The following WWC2 variants were observed in gnomAD, a reference collection of about 807,000 sequenced individuals.
WWC2 encodes WW and C2 domain containing 2.
WWC2 carries 101 observed loss-of-function variants against 138.5 expected under a neutral mutation model. The observed-to-expected ratio is 0.73, with a 90% CI of 0.62 to 0.86. WWC2 has a LOEUF of 0.86. WWC2 is among the 40% of genes least tolerant of loss of function. WWC2 has a pLI of 0.00. For synonymous variants in WWC2, 558 were observed against 538.4 expected (o/e 1.04, Z -0.50); for missense variants, 1,420 against 1,419.4 (o/e 1.00, Z -0.01).
At chr4:183,165,327 T>C (rs1025471942) in intron 1 of WWC2, among the ~76,000 whole-genome samples, 1 of 152,174 alleles carries the variant, frequency 6.6e-6, no homozygotes, top group Non-Finnish European at 1.5e-5. Context: ...TCTTTCCTCC[T>C]AAATTCCACC....
At chr4:183,286,332 T>C (rs1442456432) in intron 20 of WWC2, among the ~76,000 whole-genome samples, 1 of 152,168 alleles carries the variant, frequency 6.6e-6, no homozygotes, top group African/African-American at 2.4e-5. Flanking sequence ...CTTCTGAGCC[T>C]GCAGGGGTAT....
chr4:183,183,001 C>T (rs533040452), intron 1 of WWC2, among the ~76,000 whole-genome samples: 29 of 152,260 alleles, frequency 1.9e-4, no homozygotes, highest in African/African-American at 7.0e-4. Context: ...ATGAGGTAGG[C>T]ATTAGGCATT....
chr4:183,121,786 T>A (rs910224296), intron 1 of WWC2, among the ~76,000 whole-genome samples: 1 of 129,778 alleles, frequency 7.7e-6, no homozygotes, highest in Non-Finnish European at 1.6e-5. Context: ...GTTAAGAAGC[T>A]TTTTTTTTTT....
chr4:183,121,377 T>G (rs1732595232), intron 1 of WWC2, among the ~76,000 whole-genome samples: 1 of 152,136 alleles, frequency 6.6e-6, no homozygotes, highest in Non-Finnish European at 1.5e-5. Context: ...ATATTTGCAT[T>G]ATATACTTCC....
chr4:183,127,555 A>G (rs1732797533), intron 1 of WWC2, among the ~76,000 whole-genome samples: 2 of 152,216 alleles, frequency 1.3e-5, no homozygotes, highest in Admixed American at 6.5e-5. Context: ...GAGCAAGTCT[A>G]GAGACCTAAT....
Position 183,265,954 on chromosome 4 carries a change from A to G in WWC2, c.2207+3A>G, listed in dbSNP as rs144048582. The G allele has an allele frequency of 4.0e-4, 650 of 1,608,520 alleles. No homozygotes were observed. The highest frequency in any genetic ancestry group is 5.1e-4 in the Non-Finnish European group (601 of 1,177,026). ...TTGATACCTCATACTTCAAAAGTGTAAGTAAAATCAGCGAAGATCAAATTG... is the reference window on the plus strand; with the variant it reads ...TTGATACCTCATACTTCAAAAGTGTGAGTAAAATCAGCGAAGATCAAATTG... On this transcript the variant is annotated splice_donor_region_variant and intron_variant, in intron 14 of 22. Transcript: ENST00000403733.
chr4:183,270,221 A>G (rs1737655056), intron 15 of WWC2, among the ~76,000 whole-genome samples: 1 of 152,356 alleles, frequency 6.6e-6, no homozygotes, highest in East Asian at 1.9e-4. Flanking sequence ...AGGCTCCCAC[A>G]AAGTTCATAA....
At chr4:183,277,881 T>G (rs1410799201) in intron 16 of WWC2, among the ~76,000 whole-genome samples, 4 of 151,176 alleles carry the variant, frequency 2.6e-5, no homozygotes, top group Non-Finnish European at 5.9e-5. Context: ...ATATTAGCCC[T>G]TTGTCAGATG....
intron 1 of WWC2, among the ~76,000 whole-genome samples, chr4:183,138,702 C>T (rs543331957): frequency 1.3e-5 from 2 of 152,276 alleles, no homozygotes; most frequent in Admixed American, 6.5e-5. Context: ...GCCCCATTTC[C>T]TTTTCTGGCT....
Position 183,269,167 on chromosome 4 carries a change from G to C in WWC2, c.2400+4G>C, listed in dbSNP as rs530732332. 22 of 1,601,870 alleles carry C rather than the reference G, an allele frequency of 1.4e-5. 1 individual carries two copies. In the South Asian group the frequency reaches 2.1e-4, roughly 16 times the overall value. On this transcript the variant is annotated splice_donor_region_variant and intron_variant, in intron 15 of 22. Coordinates refer to ENST00000403733, the MANE Select transcript of WWC2 (RefSeq NM_024949.6). ...ACACCGAAGGGAAGAATGCCTGGTA[G>C]GATTCTTCATAATTCCCATTACCAA...
At chr4:183,248,438 T>C (rs897209852) in intron 6 of WWC2, among the ~76,000 whole-genome samples, 1 of 152,180 alleles carries the variant, frequency 6.6e-6, no homozygotes, top group Non-Finnish European at 1.5e-5. Context: ...AAATAAGACA[T>C]GCATGTATTT....
At chr4:183,166,934 G>GTTC (rs939558440) in intron 1 of WWC2, among the ~76,000 whole-genome samples, 5 of 152,308 alleles carry the variant, frequency 3.3e-5, no homozygotes, top group African/African-American at 9.6e-5. Context: ...GAAGCACAGA[G>GTTC]TTCTGTAGGT....
At chr4:183,284,954 G>C (rs1428127646) in intron 19 of WWC2, among the ~76,000 whole-genome samples, 1 of 151,882 alleles carries the variant, frequency 6.6e-6, no homozygotes, top group African/African-American at 2.4e-5. Context: ...TTATAAACTG[G>C]GTTAGAAATA....
At chr4:183,111,113 G>A (rs13118536) in intron 1 of WWC2, among the ~76,000 whole-genome samples, 40,254 of 151,934 alleles carry the variant, frequency 0.26, 6,374 homozygotes, top group Middle Eastern at 0.38. Flanking sequence ...CGTGGCAGGC[G>A]CTGGTAGTCC....
At chr4:183,204,494 A>G (rs1735388519) in intron 2 of WWC2, among the ~76,000 whole-genome samples, 1 of 152,196 alleles carries the variant, frequency 6.6e-6, no homozygotes, top group Admixed American at 6.5e-5. Flanking sequence ...GCTCTTTTCA[A>G]CAGCTGGTAG....
At chr4:183,273,231 C>CTT (rs35297102) in intron 16 of WWC2, among the ~76,000 whole-genome samples, 30 of 150,642 alleles carry the variant, frequency 2.0e-4, no homozygotes, top group South Asian at 4.2e-4. Context: ...ATTAGTATAT[C>CTT]TTTTTTTTGA....
At chr4:183,099,719 G>C in intron 1 of WWC2, 97 bp downstream of exon 1, 1 of 1,114,574 alleles carries the variant, frequency 9.0e-7, no homozygotes, top group Non-Finnish European at 1.1e-6. Context: ...GCCGGCCCGC[G>C]GTGCCCCGAG....
chr4:183,142,932 G>C (rs550323738), intron 1 of WWC2, among the ~76,000 whole-genome samples: 1 of 152,234 alleles, frequency 6.6e-6, no homozygotes, highest in South Asian at 2.1e-4. Context: ...TTTCTTCCCA[G>C]AATGAGCAAT....
chr4:183,311,195 T>C (rs1309587662), intron 21 of WWC2, among the ~76,000 whole-genome samples: 1 of 152,230 alleles, frequency 6.6e-6, no homozygotes, highest in East Asian at 1.9e-4. Flanking sequence ...CAACTTTTAA[T>C]ATAGTATCAT....
Sources: gnomAD v4.1 joint callset for allele counts (sites outside exome capture counted in the v4.1 genomes callset) on GRCh38, gnomAD v4.1.1 for gene constraint, MANE v1.5 for transcripts, NCBI Gene and HGNC (gene_info 2026-07-23, HGNC 2026-07-21) for gene names.